IKZF3: variants seen among roughly 807,000 people sequenced by gnomAD.
IKZF3 encodes the protein IKAROS family zinc finger 3.
A neutral mutation model predicts 49.0 loss-of-function variants in IKZF3; 10 were observed. The observed-to-expected ratio is 0.20, with a 90% confidence interval of 0.13 to 0.35. The LOEUF is 0.35. Ranked by LOEUF, IKZF3 falls within the 10% of genes least tolerant of loss-of-function variation. The pLI, the probability that IKZF3 is intolerant of heterozygous loss-of-function variation, is 1.00. For synonymous variants in IKZF3, 209 were observed against 228.2 expected, an observed-to-expected ratio of 0.92 and a Z score of 0.76; for missense variants, 498 against 664.8, an observed-to-expected ratio of 0.75 and a Z score of 2.76.
intron 1 of IKZF3, among the ~76,000 whole-genome samples, chr17:39,860,266 G>T (rs1369777674): frequency 6.6e-6 from 1 of 151,708 alleles, no homozygotes; most frequent in Non-Finnish European, 1.5e-5. Context: ...AAAAAAACTG[G>T]ATGTCTGATA....
At chr17:39,862,935 C>T (rs1368966658) in intron 1 of IKZF3, among the ~76,000 whole-genome samples, 1 of 152,092 alleles carries the variant, frequency 6.6e-6, no homozygotes, top group Non-Finnish European at 1.5e-5. Flanking sequence ...TTACATGATT[C>T]TGTACATTAT....
At chr17:39,768,928 T>TCAC (rs2060365702) in intron 7 of IKZF3, among the ~76,000 whole-genome samples, 1 of 152,208 alleles carries the variant, frequency 6.6e-6, no homozygotes, top group Non-Finnish European at 1.5e-5. Flanking sequence ...ACTTGGAGAC[T>TCAC]AAGATCCCTT....
intron 1 of IKZF3, among the ~76,000 whole-genome samples, chr17:39,842,470 T>C (rs1475779231): frequency 1.3e-5 from 2 of 152,196 alleles, no homozygotes; most frequent in East Asian, 3.8e-4. Flanking sequence ...AACATTTTGC[T>C]GTGCCAGAAA....
chr17:39,769,476 C>A (rs758534240), intron 7 of IKZF3, among the ~76,000 whole-genome samples: 2 of 152,144 alleles, frequency 1.3e-5, no homozygotes, highest in Non-Finnish European at 2.9e-5. Context: ...CAATGAGAAG[C>A]AACAGCAGAG....
chr17:39,846,496 T>G (rs1345659242), intron 1 of IKZF3, among the ~76,000 whole-genome samples: 1 of 151,336 alleles, frequency 6.6e-6, no homozygotes, highest in Non-Finnish European at 1.5e-5. Flanking sequence ...GGTTTTTTTT[T>G]TTTTTTTTTT....
At chr17:39,809,434 C>A (rs751910597) in intron 3 of IKZF3, among the ~76,000 whole-genome samples, 4 of 152,194 alleles carry the variant, frequency 2.6e-5, no homozygotes, top group Non-Finnish European at 5.9e-5. Flanking sequence ...GGTTATACAC[C>A]AAGGGCTGGA....
At chr17:39,829,513 T>C in intron 2 of IKZF3, 25 bp from the exon 3 acceptor site, 1 of 1,525,050 alleles carries the variant, frequency 6.6e-7, no homozygotes, top group Non-Finnish European at 9.1e-7. Flanking sequence ...GAATTTTAAG[T>C]ATGTGGTTCA....
intron 6 of IKZF3, among the ~76,000 whole-genome samples, chr17:39,778,801 C>CA (rs929006977): frequency 6.6e-6 from 1 of 152,146 alleles, no homozygotes; most frequent in Non-Finnish European, 1.5e-5. Context: ...AATTCCGTCT[C>CA]AAAAAACAAA....
intron 7 of IKZF3, among the ~76,000 whole-genome samples, chr17:39,775,405 T>C (rs1050267601): frequency 9.2e-5 from 14 of 152,206 alleles, no homozygotes; most frequent in African/African-American, 2.7e-4. Context: ...CTGGTTGCAA[T>C]TGTAGCAAAC....
intron 1 of IKZF3, among the ~76,000 whole-genome samples, chr17:39,845,235 T>C (rs1321010769): frequency 1.3e-5 from 2 of 152,136 alleles, no homozygotes; most frequent in African/African-American, 4.8e-5. Flanking sequence ...TAAAGTTTTA[T>C]TGGAGGCCAG....
chr17:39,771,497 T>C (rs190353298), intron 7 of IKZF3, among the ~76,000 whole-genome samples: 4 of 152,300 alleles, frequency 2.6e-5, no homozygotes, highest in African/African-American at 4.8e-5. Flanking sequence ...GAACAAAACA[T>C]AGAGTAGCCA....
At chr17:39,853,799 C>A (rs1462471549) in intron 1 of IKZF3, among the ~76,000 whole-genome samples, 1 of 149,576 alleles carries the variant, frequency 6.7e-6, no homozygotes. Flanking sequence ...CGCACCATTC[C>A]ACTCCAGCCT....
chr17:39,796,781 C>CAG (rs2061174674), intron 3 of IKZF3, among the ~76,000 whole-genome samples: 1 of 150,110 alleles, frequency 6.7e-6, no homozygotes, highest in South Asian at 2.1e-4. Context: ...CTCCTGACCT[C>CAG]GTGATCCACC....
chr17:39,841,367 A>C (rs2062461224), intron 1 of IKZF3, among the ~76,000 whole-genome samples: 1 of 152,130 alleles, frequency 6.6e-6, no homozygotes, highest in Non-Finnish European at 1.5e-5. Context: ...AAATGGAATG[A>C]GGAGAACTTC....
chr17:39,800,226 G>A (rs560958623), intron 3 of IKZF3, among the ~76,000 whole-genome samples: 1 of 152,176 alleles, frequency 6.6e-6, no homozygotes, highest in Admixed American at 6.5e-5. Flanking sequence ...ATATATATCA[G>A]GTTTCTTAGA....
chr17:39,817,545 C>T (rs889017069), intron 3 of IKZF3, among the ~76,000 whole-genome samples: 2 of 152,178 alleles, frequency 1.3e-5, no homozygotes, highest in South Asian at 2.1e-4. Flanking sequence ...CTCAAGTGAT[C>T]CTCCTGCCTC....
At chr17:39,787,880 T>C (rs558946906) in intron 6 of IKZF3, among the ~76,000 whole-genome samples, 5 of 152,382 alleles carry the variant, frequency 3.3e-5, no homozygotes, top group African/African-American at 1.2e-4. Context: ...CCATTTCCTC[T>C]CTGGCTTCAG....
intron 3 of IKZF3, among the ~76,000 whole-genome samples, chr17:39,803,455 G>A (rs1217294983): frequency 7.3e-5 from 11 of 150,102 alleles, no homozygotes; most frequent in Admixed American, 6.6e-4. Flanking sequence ...TTGTAAATCC[G>A]AAAGAAAAAA....
At chr17:39,854,505 G>A (rs8077365) in intron 1 of IKZF3, among the ~76,000 whole-genome samples, 1 of 152,008 alleles carries the variant, frequency 6.6e-6, no homozygotes, top group Non-Finnish European at 1.5e-5. Context: ...ATGCAAAAAT[G>A]CTTCATGTTT....
Sources: allele counts gnomAD v4.1 joint callset (sites outside exome capture counted in the v4.1 genomes callset), GRCh38; gene constraint gnomAD v4.1.1; transcripts MANE v1.5; gene names NCBI Gene and HGNC (gene_info 2026-07-23, HGNC 2026-07-21).